Variants in FMN1 observed in about 807,000 individuals in gnomAD.
FMN1 encodes formin-1.
A neutral mutation model predicts 132.4 loss-of-function variants in FMN1; 110 were observed. The observed-to-expected ratio is 0.83, with a 90% confidence interval of 0.71 to 0.97. FMN1 has a LOEUF of 0.97. Ranked by LOEUF, FMN1 falls within the 50% of genes least tolerant of loss-of-function variation. The pLI, the probability that FMN1 is intolerant of heterozygous loss-of-function variation, is 0.00. For missense variants in FMN1, 1,792 were observed against 1,705.3 expected (o/e 1.05, Z -0.90); for synonymous variants, 722 against 651.7 (o/e 1.11, Z -1.64).
intron 4 of FMN1, among the ~76,000 whole-genome samples, chr15:33,136,405 G>A (rs2444963): frequency 0.88 from 133,523 of 152,238 alleles, 58,682 homozygotes; most frequent in East Asian, 0.97. Flanking sequence ...CAAGAAAGAC[G>A]TATAACCATA....
At chr15:32,972,339 C>G (rs1457763407) in intron 7 of FMN1, among the ~76,000 whole-genome samples, 2 of 152,186 alleles carry the variant, frequency 1.3e-5, no homozygotes, top group Non-Finnish European at 2.9e-5. Context: ...AGCTATGGCA[C>G]TTTCCAACCC....
At chr15:33,171,197 G>A (rs1965308747) in intron 3 of FMN1, among the ~76,000 whole-genome samples, 1 of 152,178 alleles carries the variant, frequency 6.6e-6, no homozygotes, top group Non-Finnish European at 1.5e-5. Flanking sequence ...CAGAATTATA[G>A]TTTCCAGAGA....
chr15:33,091,059 T>C (rs763627985), intron 4 of FMN1, among the ~76,000 whole-genome samples: 11 of 152,194 alleles, frequency 7.2e-5, no homozygotes, highest in Non-Finnish European at 1.2e-4. Flanking sequence ...CATTTTTCTT[T>C]TGAAGTAGCT....
intron 20 of FMN1, among the ~76,000 whole-genome samples, chr15:32,776,234 T>C (rs1357745758): frequency 6.6e-6 from 1 of 152,222 alleles, no homozygotes; most frequent in Non-Finnish European, 1.5e-5. Context: ...ATTCTGACTA[T>C]TGTCCGTAAC....
intron 17 of FMN1, among the ~76,000 whole-genome samples, chr15:32,845,880 G>C (rs547281006): frequency 6.6e-6 from 1 of 151,918 alleles, no homozygotes; most frequent in East Asian, 1.9e-4. Context: ...TTTATATGGT[G>C]GTTTCCCATG....
At chr15:32,785,784 C>T (rs922938425) in intron 19 of FMN1, among the ~76,000 whole-genome samples, 4 of 151,958 alleles carry the variant, frequency 2.6e-5, no homozygotes, top group Admixed American at 1.3e-4. Context: ...AATCACCGCT[C>T]GACTCAGATC....
intron 7 of FMN1, among the ~76,000 whole-genome samples, chr15:32,977,906 G>A (rs2032342350): frequency 6.7e-6 from 1 of 150,262 alleles, no homozygotes. Context: ...TAACCAGGCT[G>A]GAGTGCATGG....
At chr15:33,062,902 G>A (rs1373789161) in intron 6 of FMN1, 1 of 152,080 alleles carries the variant, frequency 6.6e-6, no homozygotes, top group African/African-American at 2.4e-5. Context: ...AGCAAGCCTC[G>A]AATAATAGCT....
chr15:32,781,086 GA>G (rs1252124252), intron 19 of FMN1, among the ~76,000 whole-genome samples: 1 of 152,118 alleles, frequency 6.6e-6, no homozygotes, highest in Admixed American at 6.6e-5. Flanking sequence ...AAATCTTAAA[GA>G]ATATATGATG....
At chr15:33,018,474 A>T (rs977090402) in intron 6 of FMN1, among the ~76,000 whole-genome samples, 11 of 152,138 alleles carry the variant, frequency 7.2e-5, no homozygotes, top group Admixed American at 3.3e-4. Context: ...TGCGTACATA[A>T]TAGAGCTTCC....
chr15:32,949,772 T>C (rs1020789053), intron 9 of FMN1, among the ~76,000 whole-genome samples: 1 of 150,832 alleles, frequency 6.6e-6, no homozygotes, highest in Non-Finnish European at 1.5e-5. Context: ...ACAGACAACC[T>C]ACAGAATGGG....
At chr15:33,170,547 C>A in intron 3 of FMN1, among the ~76,000 whole-genome samples, 1 of 143,966 alleles carries the variant, frequency 6.9e-6, no homozygotes, top group African/African-American at 2.8e-5. Context: ...ACTCAAACAA[C>A]TCAACAATAA....
intron 9 of FMN1, among the ~76,000 whole-genome samples, chr15:32,931,005 T>C (rs966346843): frequency 6.6e-6 from 1 of 152,176 alleles, no homozygotes; most frequent in Non-Finnish European, 1.5e-5. Context: ...TGCCTGTATA[T>C]GCTTGGGTTT....
chr15:33,125,442 G>C (rs767407187), intron 4 of FMN1, among the ~76,000 whole-genome samples: 1 of 76,932 alleles, frequency 1.3e-5, no homozygotes, highest in African/African-American at 3.8e-5. Context: ...AATATGTGTA[G>C]AAGATTATTT....
intron 4 of FMN1, among the ~76,000 whole-genome samples, chr15:33,100,818 G>C (rs909724419): frequency 2.6e-5 from 4 of 151,956 alleles, no homozygotes; most frequent in African/African-American, 9.7e-5. Context: ...ATCTATGACA[G>C]AAAAAAGTGG....
chr15:32,803,171 T>C (rs2057538329), intron 18 of FMN1, among the ~76,000 whole-genome samples: 1 of 152,226 alleles, frequency 6.6e-6, no homozygotes, highest in South Asian at 2.1e-4. Flanking sequence ...TTTAAATTCC[T>C]AACTGGGTAA....
chr15:32,826,578 G>A (rs867982462), intron 17 of FMN1, among the ~76,000 whole-genome samples: 2 of 152,144 alleles, frequency 1.3e-5, no homozygotes, highest in South Asian at 2.1e-4. Flanking sequence ...GAGAAACCAG[G>A]AAAGTAGTGA....
intron 13 of FMN1, among the ~76,000 whole-genome samples, chr15:32,901,146 C>G (rs1000869600): frequency 6.6e-6 from 1 of 151,536 alleles, no homozygotes; most frequent in Non-Finnish European, 1.5e-5. Flanking sequence ...AAGAATGAGA[C>G]TCCGTCTCAA....
chr15:32,899,871 A>T (rs1038182510), intron 14 of FMN1, 108 bp downstream of exon 14: 4 of 1,060,100 alleles, frequency 3.8e-6, no homozygotes, highest in Non-Finnish European at 5.5e-6. Context: ...AATGTTGTTA[A>T]GGGGAGGATA....
Sources: allele counts gnomAD v4.1 joint callset (sites outside exome capture counted in the v4.1 genomes callset), GRCh38; gene constraint gnomAD v4.1.1; transcripts MANE v1.5; gene names NCBI Gene and HGNC (gene_info 2026-07-23, HGNC 2026-07-21).